STRIP2: variants seen among roughly 807,000 people sequenced by gnomAD.
The protein encoded by STRIP2 is striatin-interacting protein 2.
STRIP2 carries 84 observed loss-of-function variants against 107.1 expected under a neutral mutation model. The ratio of observed to expected loss-of-function variants is 0.78; its 90% CI spans 0.66 to 0.94. The LOEUF (loss-of-function observed/expected upper bound fraction) is 0.94. STRIP2 is among the 40% of genes least tolerant of loss of function. The pLI is 0.00. For missense variants in STRIP2, 888 were observed against 1,034.2 expected (o/e 0.86, Z 1.94); for synonymous variants, 394 against 400.4 (o/e 0.98, Z 0.19).
intron 1 of STRIP2, among the ~76,000 whole-genome samples, chr7:129,436,025 G>A (rs1014809879): frequency 2.0e-5 from 3 of 152,040 alleles, no homozygotes; most frequent in African/African-American, 7.2e-5. Context: ...TGTCTTGCTA[G>A]ATGATACCCG....
At position 129,483,380 on chromosome 7, in the gene STRIP2, AAAAG is replaced by A. The variant is rs1439131588; in HGVS notation, c.2254+336_2254+339del. The A allele has an allele frequency of 2.1e-6, 2 of 934,950 alleles. No homozygotes were observed. Among genetic ancestry groups the A allele is most frequent in the African/African-American group, 3.5e-5 (2 of 57,698 alleles). 57.9% of individuals were successfully genotyped at this position (934,950 alleles called of 1,614,324 possible). A position where few individuals can be genotyped will look rare whatever the true frequency, so the allele number is the denominator to read the frequency against. Reference sequence around the variant, plus strand: ...TTTATTATTACAAAGCAGTTAGAAAAAAAGATAGAAAATACAAGTAAACAAACAT... The same window carrying A: ...TTTATTATTACAAAGCAGTTAGAAAAATAGAAAATACAAGTAAACAAACAT... On this transcript the variant is annotated intron_variant, in intron 20 of 20. Transcript: ENST00000249344. This position sits in a 1 kb window ranked among gnomAD's most constrained non-coding sequence, Gnocchi z 5.1.
intron 6 of STRIP2, 78 bp from the exon 7 acceptor site, chr7:129,454,343 C>A: frequency 6.8e-7 from 1 of 1,461,946 alleles, no homozygotes; most frequent in Non-Finnish European, 9.6e-7. Context: ...GGGCTTCCCA[C>A]AGAGACCATC....
intron 18 of STRIP2, among the ~76,000 whole-genome samples, chr7:129,479,712 G>A (rs535501042): frequency 6.6e-5 from 10 of 151,968 alleles, no homozygotes; most frequent in Middle Eastern, 3.4e-3. Flanking sequence ...AGCTGGTCTC[G>A]AACTCCTGAA....
chr7:129,471,994 ATTTT>A (rs1027998940), intron 18 of STRIP2, among the ~76,000 whole-genome samples: 1 of 144,186 alleles, frequency 6.9e-6, no homozygotes, highest in Non-Finnish European at 1.6e-5. Flanking sequence ...ATTAAAAAAA[ATTTT>A]TTTTACCCAC....
At chr7:129,473,273 A>T (rs1798836761) in intron 18 of STRIP2, among the ~76,000 whole-genome samples, 2 of 152,276 alleles carry the variant, frequency 1.3e-5, no homozygotes, top group Non-Finnish European at 2.9e-5. Flanking sequence ...ACACATTAAC[A>T]AAACTAAGAC....
rs769171706 is a variant in STRIP2 at position 129,463,048 on chromosome 7, G to T, written c.1551+8G>T. On this transcript the variant is annotated splice_region_variant and intron_variant, in intron 14 of 20. Transcript: ENST00000249344. ...AGCCTTCCGCAGTATATGGTAAGGA[G>T]ATGGCTAGGCCAGAGCTGCCCTTCT... 1.2e-6 allele frequency: 2 copies of T among 1,610,356 alleles called. No individual in the cohort carries two copies. Among genetic ancestry groups the T allele is most frequent in the Non-Finnish European group, 1.7e-6 (2 of 1,177,696 alleles).
At chr7:129,437,526 TTGTGTG>T (rs754228265) in intron 1 of STRIP2, among the ~76,000 whole-genome samples, 4 of 151,054 alleles carry the variant, frequency 2.6e-5, no homozygotes, top group African/African-American at 9.7e-5. Context: ...TTGTTCCAGT[TTGTGTG>T]TGTGTGTGTG....
chr7:129,452,401 A>T (rs1798219992), intron 4 of STRIP2, among the ~76,000 whole-genome samples: 1 of 152,204 alleles, frequency 6.6e-6, no homozygotes, highest in South Asian at 2.1e-4. Flanking sequence ...AAAAAATTGT[A>T]AAATAAAAAA....
rs1798283218 is a variant in STRIP2, at chr7:129,454,427, G to C, written c.606G>C (p.Leu202=). 1.2e-6 allele frequency: 2 copies of C among 1,613,372 alleles called. No individual in the cohort carries two copies. The highest frequency in any genetic ancestry group is 1.7e-6 in the Non-Finnish European group (2 of 1,179,340). ...GACTCTTCTGTAACCCCAGGGTGCT[G>C]CTGAGTGTTATGTACCTAATGGTGG... ...SIADSTELRV[L]LSVMYLMVEN... The change falls in exon 7 of 21, where the codon CTG becomes CTC. Residue 202 remains leucine, a synonymous_variant. Coordinates refer to ENST00000249344, the MANE Select transcript of STRIP2 (RefSeq NM_020704.3).
At chr7:129,440,458 C>CGA in intron 2 of STRIP2, among the ~76,000 whole-genome samples, 1 of 152,292 alleles carries the variant, frequency 6.6e-6, no homozygotes, top group Non-Finnish European at 1.5e-5. Context: ...CTGCCTACTT[C>CGA]TTTCTGCTGC....
Position 129,482,886 on chromosome 7 carries a change from C to A in STRIP2, c.2094C>A (p.Leu698=). The change falls in exon 20 of 21, where the codon CTC becomes CTA. Residue 698 remains leucine, a synonymous_variant. Coordinates refer to ENST00000249344, the MANE Select transcript of STRIP2 (RefSeq NM_020704.3). ...FKSAPILKRA[L]KVKQAMLQLY... is the part of the protein sequence containing the mutation. ...CGGCACCAATCTTAAAGCGGGCCCT[C>A]AAGGTCAAACAGGCCATGCTGCAAC... The A allele has an allele frequency of 6.2e-7, 1 of 1,614,094 alleles. No homozygotes were observed.
At chr7:129,449,594 T>C (rs1798127561) in intron 3 of STRIP2, among the ~76,000 whole-genome samples, 1 of 152,154 alleles carries the variant, frequency 6.6e-6, no homozygotes, top group Non-Finnish European at 1.5e-5. Flanking sequence ...AAAAGGTTCA[T>C]CAGAGTTTAC....
At chr7:129,477,840 C>G (rs1285139021) in intron 18 of STRIP2, 1 of 391,398 alleles carries the variant, frequency 2.6e-6, no homozygotes, top group African/African-American at 2.1e-5. Context: ...GCCATGCATT[C>G]CATCTCAAGG....
chr7:129,482,878 C>T lies in STRIP2; in HGVS notation c.2086C>T (p.Arg696Trp), dbSNP rs760234230. Residue 696 changes from arginine (R) to tryptophan (W), a missense_variant, in exon 20 of 21, where the codon CGG becomes TGG. Coordinates refer to ENST00000249344, the MANE Select transcript of STRIP2 (RefSeq NM_020704.3). ...VVFKSAPILK[R>W]ALKVKQAMLQ... ...GTTTAAATCGGCACCAATCTTAAAGCGGGCCCTCAAGGTCAAACAGGCCAT... is the reference window on the plus strand; with the variant it reads ...GTTTAAATCGGCACCAATCTTAAAGTGGGCCCTCAAGGTCAAACAGGCCAT... The T allele has an allele frequency of 1.2e-5, 19 of 1,613,986 alleles. No homozygotes were observed. Among genetic ancestry groups the T allele is most frequent in the East Asian group, 8.9e-5 (4 of 44,892 alleles).
intron 14 of STRIP2, 52 bp downstream of exon 14, chr7:129,463,092 A>C (rs570070901): frequency 5.4e-6 from 8 of 1,480,062 alleles, no homozygotes; most frequent in Non-Finnish European, 7.5e-6. Flanking sequence ...AGGAACAGAC[A>C]GCTAAAAACC....
chr7:129,482,648 G>A (rs1379890875), intron 19 of STRIP2, among the ~76,000 whole-genome samples, 194 bp from the exon 20 acceptor site: 1 of 151,990 alleles, frequency 6.6e-6, no homozygotes, highest in Non-Finnish European at 1.5e-5. Flanking sequence ...AAAGTGCTGG[G>A]ATTACAGACA....
intron 1 of STRIP2, among the ~76,000 whole-genome samples, chr7:129,435,105 G>T (rs926493587): frequency 1.3e-5 from 2 of 152,224 alleles, no homozygotes; most frequent in African/African-American, 4.8e-5. Context: ...TTCCCTGCCC[G>T]TCCCCTTCCC....
chr7:129,481,389 C>T (rs955871249), intron 19 of STRIP2, among the ~76,000 whole-genome samples: 24 of 151,916 alleles, frequency 1.6e-4, no homozygotes, highest in East Asian at 1.9e-4. Flanking sequence ...CCCAGCTACT[C>T]GGGAGGCTGA....
rs1174073659 is a variant in STRIP2 at position 129,434,620 on chromosome 7, T to C, written c.129+19T>C. On this transcript the variant is annotated intron_variant, in intron 1 of 20. Transcript: ENST00000249344. ...GTCAGAGGTGAGGAGCCCGGAAAGC[T>C]TCGGCTGGGGCCCGGAGACGCCCGC... 6.8e-7 allele frequency: 1 copy of C among 1,470,102 alleles called. No homozygotes were observed. Among genetic ancestry groups the C allele is most frequent in the South Asian group, 1.3e-5 (1 of 78,440 alleles). 91.1% of individuals were successfully genotyped at this position (1,470,102 alleles called of 1,614,324 possible). A position where few individuals can be genotyped will look rare whatever the true frequency, so the allele number is the denominator to read the frequency against.
Sources: gnomAD v4.1 joint callset for allele counts (sites outside exome capture counted in the v4.1 genomes callset) on GRCh38, gnomAD v4.1.1 for gene constraint, Gnocchi (gnomAD v3.1) non-coding constraint, MANE v1.5 for transcripts, NCBI Gene and HGNC (gene_info 2026-07-23, HGNC 2026-07-21) for gene names.